The following SPMAP2L variants were observed in gnomAD, a reference collection of about 807,000 sequenced individuals.
SPMAP2L encodes sperm microtubule associated protein 2-like.
the SPMAP2L span, among the ~76,000 whole-genome samples, chr4:56,534,772 C>T: frequency 6.6e-6 from 1 of 151,650 alleles, no homozygotes; most frequent in South Asian, 2.1e-4. Context: ...GCTAAAAATA[C>T]AAAAAAAATA....
chr4:56,566,790 G>T, the SPMAP2L span, among the ~76,000 whole-genome samples: 1 of 136,200 alleles, frequency 7.3e-6, no homozygotes, highest in Non-Finnish European at 1.5e-5. Context: ...TCCGCCTCCC[G>T]GGTTCAAGCG....
At chr4:56,574,117 G>A in the SPMAP2L span, among the ~76,000 whole-genome samples, 7 of 152,244 alleles carry the variant, frequency 4.6e-5, no homozygotes, top group Admixed American at 6.5e-5. Flanking sequence ...GAAGGGCAGC[G>A]TTGTTAAGAA....
At chr4:56,623,782 G>A in the SPMAP2L span, among the ~76,000 whole-genome samples, 3 of 152,094 alleles carry the variant, frequency 2.0e-5, no homozygotes, top group African/African-American at 4.8e-5. Flanking sequence ...TGATTCTGAG[G>A]CCTCCCCACT....
the SPMAP2L span, among the ~76,000 whole-genome samples, chr4:56,566,506 CT>C: frequency 6.6e-6 from 1 of 151,624 alleles, no homozygotes; most frequent in African/African-American, 2.4e-5. Flanking sequence ...CTGTTGCCTT[CT>C]TTTAAATTAA....
chr4:56,543,973 TGAGAGAGA>T, the SPMAP2L span, among the ~76,000 whole-genome samples: 16,471 of 127,068 alleles, frequency 0.13, 1,214 homozygotes, highest in Middle Eastern at 0.18. Flanking sequence ...TGTGTGTATG[TGAGAGAGA>T]GAGAGAGAGA....
chr4:56,544,775 C>T, the SPMAP2L span, among the ~76,000 whole-genome samples: 1 of 152,194 alleles, frequency 6.6e-6, no homozygotes, highest in Non-Finnish European at 1.5e-5. Context: ...CCACCTGGCC[C>T]GAGGGCGGGA....
At chr4:56,563,583 C>A in the SPMAP2L span, among the ~76,000 whole-genome samples, 5 of 152,050 alleles carry the variant, frequency 3.3e-5, no homozygotes, top group African/African-American at 1.2e-4. Flanking sequence ...TTATTATTTA[C>A]CTGCAGTTTG....
At chr4:56,572,535 T>G in the SPMAP2L span, among the ~76,000 whole-genome samples, 1 of 152,148 alleles carries the variant, frequency 6.6e-6, no homozygotes, top group East Asian at 1.9e-4. Flanking sequence ...AATACGTATT[T>G]TTTGAGTGTA....
the SPMAP2L span, among the ~76,000 whole-genome samples, chr4:56,597,027 C>A: frequency 2.0e-5 from 3 of 152,180 alleles, no homozygotes; most frequent in Non-Finnish European, 4.4e-5. Context: ...AATGTCAGAT[C>A]ATGCTAAATG....
chr4:56,593,800 C>G, the SPMAP2L span: 2 of 1,599,162 alleles, frequency 1.3e-6, no homozygotes, highest in Non-Finnish European at 8.6e-7. Context: ...CCAGCAACAT[C>G]TGTACAGCTC....
At chr4:56,579,090 A>G in the SPMAP2L span, among the ~76,000 whole-genome samples, 1 of 152,090 alleles carries the variant, frequency 6.6e-6, no homozygotes, top group Admixed American at 6.6e-5. Flanking sequence ...GAAGGCTTGA[A>G]TAACACTAGA....
chr4:56,597,292 C>T, the SPMAP2L span, among the ~76,000 whole-genome samples: 3 of 152,100 alleles, frequency 2.0e-5, no homozygotes, highest in African/African-American at 7.2e-5. Flanking sequence ...AGATAGCCGC[C>T]CTCACCGAGT....
At chr4:56,610,664 C>T in the SPMAP2L span, among the ~76,000 whole-genome samples, 1 of 152,116 alleles carries the variant, frequency 6.6e-6, no homozygotes, top group Non-Finnish European at 1.5e-5. Context: ...AGTAAACAGA[C>T]AACCCACAGA....
At chr4:56,549,188 C>T in the SPMAP2L span, among the ~76,000 whole-genome samples, 3 of 151,922 alleles carry the variant, frequency 2.0e-5, no homozygotes, top group South Asian at 2.1e-4. Context: ...GGGGCTTCAC[C>T]GTGTTGGCCA....
the SPMAP2L span, among the ~76,000 whole-genome samples, chr4:56,571,483 T>C: frequency 6.6e-6 from 1 of 151,832 alleles, no homozygotes; most frequent in Non-Finnish European, 1.5e-5. Context: ...TGGTTAATTG[T>C]TTTGGATTTT....
chr4:56,624,953 C>T, the SPMAP2L span, among the ~76,000 whole-genome samples: 1 of 152,070 alleles, frequency 6.6e-6, no homozygotes, highest in Non-Finnish European at 1.5e-5. Context: ...AATGGTAGAT[C>T]CACCAACAGC....
the SPMAP2L span, among the ~76,000 whole-genome samples, chr4:56,571,140 A>T: frequency 1.3e-5 from 2 of 150,366 alleles, no homozygotes; most frequent in African/African-American, 4.9e-5. Flanking sequence ...AAAAAAAAAC[A>T]AAAAACCTTT....
chr4:56,592,011 G>C, the SPMAP2L span, among the ~76,000 whole-genome samples: 1 of 152,166 alleles, frequency 6.6e-6, no homozygotes, highest in African/African-American at 2.4e-5. Context: ...GACCAATACC[G>C]GTCCGTGGCC....
chr4:56,545,595 C>A, the SPMAP2L span, among the ~76,000 whole-genome samples: 3 of 151,760 alleles, frequency 2.0e-5, no homozygotes, highest in African/African-American at 4.8e-5. Context: ...GTGGCACACA[C>A]CTGTAGTCCC....
Sources: allele counts gnomAD v4.1 joint callset (sites outside exome capture counted in the v4.1 genomes callset), GRCh38; gene constraint gnomAD v4.1.1; transcripts MANE v1.5; gene names NCBI Gene and HGNC (gene_info 2026-07-23, HGNC 2026-07-21).